Variants in ASAP2 observed in about 807,000 individuals in gnomAD.
ASAP2 encodes arf-GAP with SH3 domain, ANK repeat and PH domain-containing protein 2.
In ASAP2, 45 loss-of-function variants were observed where a neutral mutation model predicts 131.4. The ratio of observed to expected loss-of-function variants is 0.34; its 90% CI spans 0.27 to 0.44. The LOEUF (loss-of-function observed/expected upper bound fraction) is 0.44, where lower values mean the gene tolerates loss of function less well. ASAP2 is among the 20% of genes least tolerant of loss of function. The pLI is 1.00. For missense variants in ASAP2, 1,011 were observed against 1,297.0 expected, an observed-to-expected ratio of 0.78 and a Z score of 3.39; for synonymous variants, 510 against 503.0, an observed-to-expected ratio of 1.01 and a Z score of -0.19.
chr2:9,382,527 T>C (rs980643493), intron 20 of ASAP2, among the ~76,000 whole-genome samples: 1 of 152,166 alleles, frequency 6.6e-6, no homozygotes, highest in Non-Finnish European at 1.5e-5. Flanking sequence ...ACTGAGAAAA[T>C]AGCCACACAG....
At chr2:9,266,092 T>C (rs1450740877) in intron 1 of ASAP2, among the ~76,000 whole-genome samples, 1 of 151,886 alleles carries the variant, frequency 6.6e-6, no homozygotes, top group African/African-American at 2.4e-5. Context: ...GCCCATAAGC[T>C]TGTAATTTTC....
chr2:9,369,470 C>T (rs1051361943), intron 16 of ASAP2, among the ~76,000 whole-genome samples: 3 of 152,094 alleles, frequency 2.0e-5, no homozygotes, highest in Non-Finnish European at 2.9e-5. Flanking sequence ...GTCCGGCTCG[C>T]CTTAGACTTC....
At chr2:9,316,458 C>T (rs1430548712) in intron 3 of ASAP2, among the ~76,000 whole-genome samples, 1 of 152,118 alleles carries the variant, frequency 6.6e-6, no homozygotes, top group Non-Finnish European at 1.5e-5. Context: ...TACATAAGGT[C>T]CCAAGTCCCT....
At chr2:9,243,023 A>C (rs1572234328) in intron 1 of ASAP2, among the ~76,000 whole-genome samples, 1 of 152,222 alleles carries the variant, frequency 6.6e-6, no homozygotes, top group Non-Finnish European at 1.5e-5. Context: ...TCGGGAGAAG[A>C]AGCATACGGA....
Position 9,358,830 on chromosome 2 carries a change from G to T in ASAP2, c.1402G>T (p.Val468Phe), listed in dbSNP as rs1672890138. 1 of 1,613,558 alleles carries T rather than the reference G, an allele frequency of 6.2e-7. No individual in the cohort carries two copies. The highest frequency in any genetic ancestry group is 8.5e-7 in the Non-Finnish European group (1 of 1,179,910). ...TTCCGGAATCCACCGAGAGCTGGGG[G>T]TTCATTATTCCAGGATGCAGTCCCT... ...ECSGIHRELGVHYSRMQSLTL... is the reference protein window; with the variant it reads ...ECSGIHRELGFHYSRMQSLTL... The change falls in exon 15 of 28, where the codon GTT (valine) becomes TTT (phenylalanine). Residue 468 changes from valine to phenylalanine, a missense_variant. Physicochemically the swap from Val to Phe is conservative, Grantham distance 50 (BLOSUM62 -1). Transcript: ENST00000281419.
At chr2:9,356,902 G>A (rs1672748293) in intron 14 of ASAP2, among the ~76,000 whole-genome samples, 1 of 152,104 alleles carries the variant, frequency 6.6e-6, no homozygotes, top group Non-Finnish European at 1.5e-5. Flanking sequence ...CATATTAGGG[G>A]CTTTATAGTA....
chr2:9,296,261 G>A (rs1572379620), intron 2 of ASAP2, among the ~76,000 whole-genome samples: 1 of 152,248 alleles, frequency 6.6e-6, no homozygotes, highest in Admixed American at 6.5e-5. Context: ...TCCTTTGAAA[G>A]TGCCTGACCT....
At chr2:9,250,576 G>A (rs1253069735) in intron 1 of ASAP2, among the ~76,000 whole-genome samples, 1 of 121,670 alleles carries the variant, frequency 8.2e-6, no homozygotes, top group African/African-American at 3.9e-5. Flanking sequence ...ACGGCCCCCA[G>A]GGCAAATGCA....
intron 15 of ASAP2, among the ~76,000 whole-genome samples, chr2:9,363,482 C>G (rs1673242052): frequency 6.6e-6 from 1 of 152,198 alleles, no homozygotes; most frequent in Non-Finnish European, 1.5e-5. Context: ...GCCATTCTAA[C>G]AGGTGTGAGA....
chr2:9,334,201 G>GTTTT (rs111579113), intron 7 of ASAP2, among the ~76,000 whole-genome samples: 1 of 129,494 alleles, frequency 7.7e-6, no homozygotes. Flanking sequence ...TTTTGTATTT[G>GTTTT]TTTTTTTTTT....
chr2:9,211,601 G>A (rs1345002626), intron 1 of ASAP2, among the ~76,000 whole-genome samples: 3 of 151,990 alleles, frequency 2.0e-5, no homozygotes, highest in African/African-American at 4.8e-5. Flanking sequence ...ACTTCCTTCC[G>A]GGGCCATAAT....
At chr2:9,320,585 G>A (rs1670090570) in intron 5 of ASAP2, among the ~76,000 whole-genome samples, 2 of 152,206 alleles carry the variant, frequency 1.3e-5, no homozygotes, top group Non-Finnish European at 2.9e-5. Flanking sequence ...TTTCAGGAAA[G>A]TTCATTGAGG....
Position 9,310,325 on chromosome 2 carries a change from C to T in ASAP2, c.346-8199C>T, listed in dbSNP as rs187075814. 3.8e-3 allele frequency among the ~76,000 whole-genome samples: 584 copies of T among 152,276 alleles called. 3 individuals carry two copies. Among genetic ancestry groups the T allele is most frequent in the African/African-American group, 0.014 (569 of 41,538 alleles). On this transcript the variant is annotated intron_variant, in intron 3 of 27. Transcript: ENST00000281419. The stretch of plus-strand genomic sequence containing the variant: ...GCAAGCCTCAGGTAAGATCCTTTGG[C>T]CATATTGTATATTACATGGTAACAA...
At chr2:9,210,382 C>T (rs943149134) in intron 1 of ASAP2, among the ~76,000 whole-genome samples, 2 of 151,898 alleles carry the variant, frequency 1.3e-5, no homozygotes, top group Non-Finnish European at 2.9e-5. Flanking sequence ...GAAGATAGTA[C>T]ATAGCACAGA....
At chr2:9,293,658 C>T (rs552888937) in intron 2 of ASAP2, among the ~76,000 whole-genome samples, 7 of 152,142 alleles carry the variant, frequency 4.6e-5, no homozygotes, top group African/African-American at 1.4e-4. Context: ...TCAGTCAGTG[C>T]CATGTTAATC....
intron 24 of ASAP2, chr2:9,399,582 G>T (rs1275298726): frequency 5.9e-6 from 1 of 169,820 alleles, no homozygotes; most frequent in African/African-American, 2.4e-5. Context: ...GTTCCCAGAA[G>T]CAGGGACGGC....
At position 9,388,283 on chromosome 2, in the gene ASAP2, T is replaced by C. The variant is rs1675444605; in HGVS notation, c.2131-11T>C. 6.2e-7 allele frequency: 1 copy of C among 1,613,206 alleles called. No homozygotes were observed. The highest frequency in any genetic ancestry group is 2.2e-5 in the East Asian group (1 of 44,880). On this transcript the variant is annotated splice_polypyrimidine_tract_variant and intron_variant, in intron 21 of 27. Transcript: ENST00000281419. ...TGTCTCACACGCCTCTGCCCCAATG[T>C]TCTCCTGCAGCCCAGTCCCAACCGG...
chr2:9,391,547 A>G (rs1675719727), intron 23 of ASAP2, among the ~76,000 whole-genome samples: 1 of 149,446 alleles, frequency 6.7e-6, no homozygotes, highest in Admixed American at 6.7e-5. Context: ...TTGGATTAGA[A>G]TCTGGCTTTT....
rs112671741 is a variant in ASAP2 at position 9,303,019 on chromosome 2, C to G, written c.345+5574C>G. Reference sequence around the variant, plus strand: ...GATTGTCCATATTAGTAAGGCTTGTCTCGTCACTCAATATAGACATCTTGC... The same window carrying G: ...GATTGTCCATATTAGTAAGGCTTGTGTCGTCACTCAATATAGACATCTTGC... On this transcript the variant is annotated intron_variant, in intron 3 of 27. Transcript: ENST00000281419. Among the ~76,000 whole-genome samples the G allele has an allele frequency of 4.3e-3, 662 of 152,316 alleles. 1 individual carries two copies. The highest frequency in any genetic ancestry group is 0.015 in the African/African-American group (630 of 41,566).
Sources: allele counts gnomAD v4.1 joint callset (sites outside exome capture counted in the v4.1 genomes callset), GRCh38; gene constraint gnomAD v4.1.1; transcripts MANE v1.5; gene names NCBI Gene and HGNC (gene_info 2026-07-23, HGNC 2026-07-21).